C9: variants seen among roughly 807,000 people sequenced by gnomAD.
C9 encodes the protein complement component C9.
C9 carries 63 observed loss-of-function variants against 65.4 expected under a neutral mutation model. That is an observed-to-expected ratio of 0.96 (90% confidence interval 0.79 to 1.19). C9 has a LOEUF of 1.19. Ranked by LOEUF, C9 falls within the 50% of genes most tolerant of loss-of-function variation. C9 has a pLI of 0.00. For synonymous variants in C9, 229 were observed against 227.9 expected (o/e 1.00, Z -0.04); for missense variants, 744 against 670.1 (o/e 1.11, Z -1.22).
intron 5 of C9, among the ~76,000 whole-genome samples, chr5:39,326,463 C>T (rs1753749286): frequency 6.6e-6 from 1 of 152,194 alleles, no homozygotes; most frequent in South Asian, 2.1e-4. Context: ...GTTCTCATTA[C>T]CTCTGGTCTT....
chr5:39,321,355 A>T (rs1022757612), intron 5 of C9, among the ~76,000 whole-genome samples: 3 of 152,132 alleles, frequency 2.0e-5, no homozygotes, highest in Non-Finnish European at 4.4e-5. Flanking sequence ...GCCTATTATA[A>T]CTATAGATAT....
At chr5:39,298,843 A>G (rs1354684396) in intron 9 of C9, among the ~76,000 whole-genome samples, 1 of 151,940 alleles carries the variant, frequency 6.6e-6, no homozygotes, top group Non-Finnish European at 1.5e-5. Flanking sequence ...ATATCCCAAG[A>G]CAATAGCAAA....
At chr5:39,345,769 A>G (rs1754180283) in intron 1 of C9, among the ~76,000 whole-genome samples, 1 of 152,228 alleles carries the variant, frequency 6.6e-6, no homozygotes, top group Non-Finnish European at 1.5e-5. Context: ...CACAGTTGGA[A>G]GTAAAGCACT....
At chr5:39,328,321 A>T (rs932855283) in intron 5 of C9, among the ~76,000 whole-genome samples, 18 of 152,360 alleles carry the variant, frequency 1.2e-4, no homozygotes, top group African/African-American at 4.3e-4. Flanking sequence ...GGTGAGTAAG[A>T]GTAAGAGGCT....
chr5:39,291,562 ATATCT>A (rs1469822692), intron 9 of C9, among the ~76,000 whole-genome samples: 2 of 151,872 alleles, frequency 1.3e-5, no homozygotes, highest in African/African-American at 4.8e-5. Context: ...AAACAACAAG[ATATCT>A]TATGAATAAA....
intron 1 of C9, among the ~76,000 whole-genome samples, chr5:39,359,124 A>ATATATATATG (rs1754471565): frequency 1.4e-5 from 2 of 143,398 alleles, no homozygotes; most frequent in Non-Finnish European, 1.5e-5. Flanking sequence ...ATATATATAT[A>ATATATATATG]TGTAGTACCA....
At chr5:39,338,949 G>C (rs1329885516) in intron 4 of C9, among the ~76,000 whole-genome samples, 1 of 152,160 alleles carries the variant, frequency 6.6e-6, no homozygotes, top group African/African-American at 2.4e-5. Flanking sequence ...TTTCCTATAA[G>C]ACAAACTATA....
intron 5 of C9, among the ~76,000 whole-genome samples, chr5:39,317,842 AC>A (rs965930088): frequency 1.5e-4 from 22 of 150,736 alleles, no homozygotes; most frequent in African/African-American, 4.9e-4. Context: ...TTTTGTTTCC[AC>A]ATGAATTTTA....
chr5:39,290,798 G>GA, intron 9 of C9, among the ~76,000 whole-genome samples: 1 of 151,860 alleles, frequency 6.6e-6, no homozygotes, highest in Admixed American at 6.6e-5. Context: ...TTACTGAGCT[G>GA]AGGAAAAAAC....
chr5:39,299,489 T>C (rs1029285844), intron 9 of C9, among the ~76,000 whole-genome samples: 1 of 152,112 alleles, frequency 6.6e-6, no homozygotes, highest in Non-Finnish European at 1.5e-5. Context: ...CTACATATAA[T>C]GGAATACTAC....
At chr5:39,313,417 G>A (rs559247374) in intron 6 of C9, among the ~76,000 whole-genome samples, 1 of 152,082 alleles carries the variant, frequency 6.6e-6, no homozygotes, top group African/African-American at 2.4e-5. Flanking sequence ...TGACATGTTA[G>A]CACAATTGAC....
At chr5:39,355,586 T>C (rs1754401051) in intron 1 of C9, among the ~76,000 whole-genome samples, 1 of 152,200 alleles carries the variant, frequency 6.6e-6, no homozygotes, top group African/African-American at 2.4e-5. Context: ...ATTCAATCTA[T>C]CACCATAGGA....
Position 39,285,129 on chromosome 5 carries a change from A to ATCT in C9, c.*67_*69dup, listed in dbSNP as rs1752967732. On this transcript the variant is annotated 3_prime_UTR_variant, in exon 11 of 11. Coordinates refer to ENST00000263408, the MANE Select transcript of C9 (RefSeq NM_001737.5). ...TGCTATTTACTTGGCAGCTAAGATT[A>ATCT]TCTTCAGGGGTAGGATCTGAAGGTA... 1 of 1,268,072 alleles carries ATCT rather than the reference A, an allele frequency of 7.9e-7. No individual in the cohort carries two copies. Among genetic ancestry groups the ATCT allele is most frequent in the Non-Finnish European group, 1.2e-6 (1 of 864,464 alleles). The allele number at this position is 1,268,072 out of a possible 1,614,324, so 78.6% of individuals were successfully genotyped here. A position where few individuals can be genotyped will look rare whatever the true frequency, so the allele number is the denominator to read the frequency against.
intron 1 of C9, among the ~76,000 whole-genome samples, chr5:39,342,965 C>G (rs1353089713): frequency 6.6e-6 from 1 of 152,142 alleles, no homozygotes; most frequent in Non-Finnish European, 1.5e-5. Flanking sequence ...GAACCAGAAA[C>G]CACCCAACAA....
intron 5 of C9, among the ~76,000 whole-genome samples, chr5:39,330,325 G>A (rs940530863): frequency 4.6e-5 from 7 of 152,092 alleles, no homozygotes; most frequent in African/African-American, 1.4e-4. Flanking sequence ...TGTGTTTCCA[G>A]GGTTATGGAT....
Position 39,345,204 on chromosome 5 carries a change from G to A in C9, c.78-3008C>T, listed in dbSNP as rs62358364. On this transcript the variant is annotated intron_variant, in intron 1 of 10. Transcript: ENST00000263408. The stretch of plus-strand genomic sequence containing the variant: ...CTTAAATGCAAAATGGGCTAAATGC[G>A]CCAATTAAAAGACACAGACTGGCAA... Among the ~76,000 whole-genome samples, 210 of 152,108 alleles carry A rather than the reference G, an allele frequency of 1.4e-3. 1 individual carries two copies. The highest frequency in any genetic ancestry group is 4.4e-3 in the African/African-American group (182 of 41,508).
Position 39,341,152 on chromosome 5 carries a change from C to A in C9, c.470G>T (p.Gly157Val), listed in dbSNP as rs367578299. Residue 157 changes from glycine (G) to valine (V), a missense_variant, in exon 4 of 11, where the codon GGC (glycine) becomes GTC (valine). Coordinates refer to ENST00000263408, the MANE Select transcript of C9 (RefSeq NM_001737.5). ...GTACAAGTAAAATACACACCCATAGCCTGCTGTTCGTGCCAGCTCAGACTC... is the reference window on the plus strand; with the variant it reads ...GTACAAGTAAAATACACACCCATAGACTGCTGTTCGTGCCAGCTCAGACTC... Reference protein sequence around the residue: ...VEESELARTAGYGINILGMDP... With the variant: ...VEESELARTAVYGINILGMDP... 78 of 1,614,194 alleles carry A rather than the reference C, an allele frequency of 4.8e-5. No individual in the cohort carries two copies. Among genetic ancestry groups the A allele is most frequent in the Non-Finnish European group, 6.6e-5 (78 of 1,180,024 alleles).
At chr5:39,303,520 G>A (rs951115139) in intron 9 of C9, among the ~76,000 whole-genome samples, 1 of 148,280 alleles carries the variant, frequency 6.7e-6, no homozygotes, top group Non-Finnish European at 1.5e-5. Flanking sequence ...TTATTTTATA[G>A]TATTTTATAA....
At position 39,291,427 on chromosome 5, in the gene C9, T is replaced by C. The variant is rs566814782; in HGVS notation, c.1417-2476A>G. On this transcript the variant is annotated intron_variant, in intron 9 of 10. Coordinates refer to ENST00000263408, the MANE Select transcript of C9 (RefSeq NM_001737.5). ...ATATACAGAAAGAGGGAAGGAAACA[T>C]AAGTGATAGTGTGGGAAGGGAAAAG... Among the ~76,000 whole-genome samples, 56 of 151,222 alleles carry C rather than the reference T, an allele frequency of 3.7e-4. No homozygotes were observed. The South Asian group carries it at 0.011, about 29-fold the overall frequency.
Sources: allele counts gnomAD v4.1 joint callset (sites outside exome capture counted in the v4.1 genomes callset), GRCh38; gene constraint gnomAD v4.1.1; transcripts MANE v1.5; gene names NCBI Gene and HGNC (gene_info 2026-07-23, HGNC 2026-07-21).